Variants in LPIN2 observed in about 807,000 individuals in gnomAD.
LPIN2 encodes lipin 2, also known as phosphatidate phosphatase LPIN2.
In LPIN2, 55 loss-of-function variants were observed where a neutral mutation model predicts 111.4. The ratio of observed to expected loss-of-function variants is 0.49; its 90% CI spans 0.40 to 0.62. The LOEUF (loss-of-function observed/expected upper bound fraction) is 0.62, where lower values mean the gene tolerates loss of function less well. LPIN2 is among the 20% of genes least tolerant of loss of function. The pLI, the probability that LPIN2 is intolerant of heterozygous loss-of-function variation, is 0.00. For missense variants in LPIN2, 992 were observed against 1,112.1 expected, an observed-to-expected ratio of 0.89 and a Z score of 1.54; for synonymous variants, 425 against 414.0, an observed-to-expected ratio of 1.03 and a Z score of -0.32.
chr18:2,968,227 A>G (rs1319337947), intron 1 of LPIN2, among the ~76,000 whole-genome samples: 1 of 152,220 alleles, frequency 6.6e-6, no homozygotes, highest in Non-Finnish European at 1.5e-5. Flanking sequence ...CCGAGTATCC[A>G]GACAGCTTTT....
Position 2,940,638 on chromosome 18 carries a change from G to A in LPIN2, c.665C>T (p.Pro222Leu). 2.5e-6 allele frequency: 4 copies of A among 1,613,024 alleles called. No homozygotes were observed. The highest frequency in any genetic ancestry group is 3.4e-6 in the Non-Finnish European group (4 of 1,179,226). Residue 222 changes from proline to leucine, a missense_variant, in exon 5 of 20, where the codon CCC (proline) becomes CTC (leucine). Pro to Leu is a moderately conservative substitution (Grantham distance 98). Around this residue, in one of 4 missense-constraint regions of LPIN2, gnomAD observed 709 missense variants for 753.2 expected, o/e 0.94. Coordinates refer to ENST00000677752, the MANE Select transcript of LPIN2 (RefSeq NM_001375808.2). The stretch of plus-strand genomic sequence containing the variant: ...AGGGGACCAATCTCCATCAGATAAG[G>A]GGTAATGATCCCCAGAATGGAAGAG... ...PLLFHSGDHY[P>L]LSDGDWSPLE...
chr18:2,974,860 G>C (rs1401112139), intron 1 of LPIN2, among the ~76,000 whole-genome samples: 2 of 152,184 alleles, frequency 1.3e-5, no homozygotes, highest in African/African-American at 4.8e-5. Context: ...GTTGGGTGTG[G>C]TGGCGCATGC....
At chr18:2,946,708 A>C (rs1458796210) in intron 4 of LPIN2, 1 of 601,230 alleles carries the variant, frequency 1.7e-6, no homozygotes, top group African/African-American at 1.9e-5. Flanking sequence ...GATAAATTAT[A>C]GGTGCAACAT....
Position 2,920,360 on chromosome 18 carries a change from G to A in LPIN2, c.2624C>T (p.Pro875Leu), listed in dbSNP as rs367929381. The part of the protein sequence containing the change: ...SKEQNSAFPC[P>L]EFSSFCYWRD... ...CCAGTAGCAGAAGGAGCTGAACTCC[G>A]GGCAGGGAAAAGCGGAATTCTGCTC... The change falls in exon 20 of 20, where the codon CCG becomes CTG. Residue 875 changes from proline (P) to leucine (L), a missense_variant. Physicochemically the swap from Pro to Leu is moderately conservative, Grantham distance 98. Around this residue, in one of 4 missense-constraint regions of LPIN2, gnomAD observed 185 missense variants for 186.5 expected, o/e 0.99. Transcript: ENST00000677752. 102 of 1,614,018 alleles carry A rather than the reference G, an allele frequency of 6.3e-5. No homozygotes were observed. The highest frequency in any genetic ancestry group is 7.8e-5 in the Non-Finnish European group (92 of 1,180,038).
intron 7 of LPIN2, among the ~76,000 whole-genome samples, chr18:2,936,154 G>C (rs142714089): frequency 2.4e-3 from 361 of 152,254 alleles, no homozygotes; most frequent in Non-Finnish European, 3.6e-3. Flanking sequence ...GAGTGAACTT[G>C]AAGGTCCATA....
At chr18:2,998,915 C>A (rs1162332564) in intron 1 of LPIN2, among the ~76,000 whole-genome samples, 2 of 152,196 alleles carry the variant, frequency 1.3e-5, no homozygotes, top group African/African-American at 4.8e-5. Context: ...TGAGACAACT[C>A]AGATACTGTC....
Position 2,927,721 on chromosome 18 carries a change from C to A in LPIN2, c.1710+1G>T. 6.2e-7 allele frequency: 1 copy of A among 1,613,928 alleles called. No homozygotes were observed. The highest frequency in any genetic ancestry group is 8.5e-7 in the Non-Finnish European group (1 of 1,179,786). Reference sequence around the variant, plus strand: ...GAAACAATGACCTCTAGGTCTGTTACCTGTTTGGTCATGCTTTCTCTCTTT... The same window carrying A: ...GAAACAATGACCTCTAGGTCTGTTAACTGTTTGGTCATGCTTTCTCTCTTT... On this transcript the variant is annotated splice_donor_variant, in intron 12 of 19. Transcript: ENST00000677752. LOFTEE classifies it high-confidence loss of function.
At chr18:2,956,724 TCTAAA>T (rs1360556048) in intron 2 of LPIN2, among the ~76,000 whole-genome samples, 2 of 152,230 alleles carry the variant, frequency 1.3e-5, no homozygotes, top group East Asian at 3.8e-4. Flanking sequence ...AAATTCAGAC[TCTAAA>T]CTATTCATAC....
intron 4 of LPIN2, chr18:2,946,627 T>C (rs1211080006): frequency 1.1e-5 from 8 of 702,380 alleles, no homozygotes; most frequent in Admixed American, 5.0e-5. Context: ...CCAGTCTCCA[T>C]ACCTCAGTTT....
chr18:2,930,726 G>A (rs2077201309), intron 9 of LPIN2, among the ~76,000 whole-genome samples: 1 of 152,220 alleles, frequency 6.6e-6, no homozygotes, highest in Non-Finnish European at 1.5e-5. Flanking sequence ...TGACATGTCT[G>A]CTAAACTCCC....
chr18:2,965,245 C>A (rs1246216321), intron 1 of LPIN2, among the ~76,000 whole-genome samples: 1 of 152,134 alleles, frequency 6.6e-6, no homozygotes. Flanking sequence ...GTCCTTCATG[C>A]ATAAAATTTG....
intron 7 of LPIN2, 73 bp from the exon 8 acceptor site, chr18:2,934,523 T>C (rs980536131): frequency 9.7e-6 from 9 of 930,928 alleles, no homozygotes; most frequent in East Asian, 2.5e-5. Flanking sequence ...ACACGCACGT[T>C]TGCAAACAGT....
At chr18:2,943,692 A>G (rs566862780) in intron 4 of LPIN2, among the ~76,000 whole-genome samples, 1 of 152,338 alleles carries the variant, frequency 6.6e-6, no homozygotes, top group African/African-American at 2.4e-5. Context: ...ATCATGGAAT[A>G]TAACTTGAAA....
At chr18:2,971,745 T>TG (rs1187118747) in intron 1 of LPIN2, among the ~76,000 whole-genome samples, 20 of 31,330 alleles carry the variant, frequency 6.4e-4, no homozygotes, top group Middle Eastern at 0.013. Context: ...AACCATGCAC[T>TG]GGAAAAAAAA....
intron 1 of LPIN2, among the ~76,000 whole-genome samples, chr18:2,974,244 T>C (rs1276467152): frequency 6.6e-6 from 1 of 151,976 alleles, no homozygotes; most frequent in African/African-American, 2.4e-5. Context: ...GCCCAGCTAA[T>C]TTTTTTGTAT....
intron 4 of LPIN2, chr18:2,945,444 TCAGTAACA>T (rs1949644280): frequency 1.5e-6 from 1 of 658,062 alleles, no homozygotes; most frequent in African/African-American, 1.8e-5. Context: ...AATGCCACAT[TCAGTAACA>T]CAACAACAAA....
rs775919280 is a variant in LPIN2, at chr18:2,937,952, C to G, written c.908G>C (p.Ser303Thr). 1.2e-6 allele frequency: 2 copies of G among 1,614,152 alleles called. No homozygotes were observed. The highest frequency in any genetic ancestry group is 3.3e-5 in the Admixed American group (2 of 60,016). Residue 303 changes from serine to threonine, a missense_variant, in exon 7 of 20, where the codon AGT (serine) becomes ACT (threonine). This residue lies in a region of LPIN2 where 709 missense variants were observed against 753.2 expected (regional missense o/e 0.94). Transcript: ENST00000677752. ...AACTTCACTGATGAGGTTGTCCTCA[C>G]TGGGAATTACCCGAAAATGAGTATT... ...SENTHFRVIPSEDNLISEVEK... is the reference protein window; with the variant it reads ...SENTHFRVIPTEDNLISEVEK...
intron 3 of LPIN2, among the ~76,000 whole-genome samples, chr18:2,953,708 G>A (rs1342152440): frequency 6.6e-6 from 1 of 152,132 alleles, no homozygotes; most frequent in Admixed American, 6.5e-5. Flanking sequence ...TTAATAACTT[G>A]ATGCTTATCA....
intron 1 of LPIN2, among the ~76,000 whole-genome samples, chr18:2,965,582 T>A (rs987462052): frequency 6.6e-6 from 1 of 151,892 alleles, no homozygotes. Flanking sequence ...TACAAAAAAA[T>A]TGGCCTGTAT....
Sources: gnomAD v4.1 joint callset for allele counts (sites outside exome capture counted in the v4.1 genomes callset) on GRCh38, gnomAD v4.1.1 for gene constraint, gnomAD v4.1.1 regional missense constraint, MANE v1.5 for transcripts, NCBI Gene and HGNC (gene_info 2026-07-23, HGNC 2026-07-21) for gene names.